The following COL11A1 variants were observed in gnomAD, a reference collection of about 807,000 sequenced individuals.
COL11A1 encodes collagen alpha-1(XI) chain.
In COL11A1, 74 loss-of-function variants were observed where a neutral mutation model predicts 265.2. That is an observed-to-expected ratio of 0.28 (90% confidence interval 0.23 to 0.34). The LOEUF (loss-of-function observed/expected upper bound fraction) is 0.34. COL11A1 is among the 10% of genes least tolerant of loss of function. The probability of loss-of-function intolerance (pLI) is 1.00; values close to 1 mark genes in which losing one functional copy is unlikely to be tolerated. For synonymous variants in COL11A1, 816 were observed against 727.6 expected (o/e 1.12, Z -1.96); for missense variants, 2,165 against 2,263.6 (o/e 0.96, Z 0.88).
At chr1:102,940,567 A>G (rs1658619790) in intron 42 of COL11A1, 133 bp from the exon 43 acceptor site, 1 of 682,926 alleles carries the variant, frequency 1.5e-6, no homozygotes. Context: ...AATAAATGAT[A>G]CATGTTCCCT....
At chr1:103,006,155 A>G in intron 16 of COL11A1, 34 bp from the exon 17 acceptor site, 1 of 1,567,224 alleles carries the variant, frequency 6.4e-7, no homozygotes, top group Non-Finnish European at 8.7e-7. Context: ...AAGCGAAGTG[A>G]CTTTTATTAC....
chr1:102,997,752 G>C (rs1300608437), intron 25 of COL11A1, among the ~76,000 whole-genome samples: 1 of 151,828 alleles, frequency 6.6e-6, no homozygotes, highest in Non-Finnish European at 1.5e-5. Flanking sequence ...TAACTGTAGA[G>C]ATTACATAAT....
intron 6 of COL11A1, 131 bp from the exon 7 acceptor site, chr1:103,025,744 G>A (rs1667457249): frequency 6.3e-7 from 1 of 1,598,832 alleles, no homozygotes; most frequent in African/African-American, 1.3e-5. Context: ...TATGATTCAT[G>A]ATCAGAGATC....
At position 103,012,455 on chromosome 1, in the gene COL11A1, G is replaced by T. The variant is rs1666211056; in HGVS notation, c.1587C>A (p.Gly529=). Reference sequence around the variant, plus strand: ...CAGTTAGACCCATTGGGCCAGGTGGGCCTCTCAGAGCAATCTAGAAAACAA... The same window carrying T: ...CAGTTAGACCCATTGGGCCAGGTGGTCCTCTCAGAGCAATCTAGAAAACAA... ...ILQQARIALR[G]PPGPMGLTGR... The change falls in exon 14 of 67, where the codon GGC becomes GGA. Residue 529 remains glycine, a synonymous_variant. Coordinates refer to ENST00000370096, the MANE Select transcript of COL11A1 (RefSeq NM_001854.4). The T allele has an allele frequency of 1.2e-6, 2 of 1,612,896 alleles. No individual in the cohort carries two copies. The highest frequency in any genetic ancestry group is 1.7e-6 in the Non-Finnish European group (2 of 1,179,036).
Position 103,047,540 on chromosome 1 carries a change from C to G in COL11A1, c.652-16296G>C, listed in dbSNP as rs998788250. On this transcript the variant is annotated intron_variant, in intron 4 of 66. Coordinates refer to ENST00000370096, the MANE Select transcript of COL11A1 (RefSeq NM_001854.4). ...GGGTTTTCTGGATATACAATCATGT[C>G]ATCTGCAAACAGGGACAATTTGACT... 3.9e-5 allele frequency among the ~76,000 whole-genome samples: 6 copies of G among 152,168 alleles called. No individual in the cohort carries two copies. The South Asian group carries it at 1.2e-3, about 31-fold the overall frequency.
intron 11 of COL11A1, among the ~76,000 whole-genome samples, chr1:103,016,734 T>C (rs1003303478): frequency 2.6e-5 from 4 of 152,014 alleles, no homozygotes; most frequent in Admixed American, 6.6e-5. Context: ...TTATATTTTA[T>C]TTAGAATATT....
intron 36 of COL11A1, among the ~76,000 whole-genome samples, chr1:102,974,619 CA>C (rs890471924): frequency 6.6e-6 from 1 of 151,936 alleles, no homozygotes; most frequent in African/African-American, 2.4e-5. Context: ...GGTATACTGT[CA>C]AAAAATACTT....
At chr1:102,932,072 G>A (rs1258314775) in intron 46 of COL11A1, among the ~76,000 whole-genome samples, 1 of 149,886 alleles carries the variant, frequency 6.7e-6, no homozygotes, top group Non-Finnish European at 1.5e-5. Context: ...TCTTTTAATT[G>A]GAGCATTTAG....
intron 9 of COL11A1, 57 bp downstream of exon 9, chr1:103,021,650 A>G (rs957137792): frequency 9.3e-7 from 1 of 1,074,766 alleles, no homozygotes; most frequent in Admixed American, 1.7e-5. Context: ...ATTTAACATA[A>G]TCGTGGCTCA....
At chr1:102,998,514 G>T in intron 24 of COL11A1, 151 bp from the exon 25 acceptor site, 1 of 499,284 alleles carries the variant, frequency 2.0e-6, no homozygotes, top group South Asian at 4.4e-5. Flanking sequence ...ATATTATTTG[G>T]AGGAAATGCC....
rs529091551 is a variant in COL11A1 at position 103,020,221 on chromosome 1, C to T, written c.1309-1362G>A. Among the ~76,000 whole-genome samples the T allele has an allele frequency of 6.7e-5, 10 of 149,004 alleles. No homozygotes were observed. The East Asian group carries it at 2.0e-3, about 30-fold the overall frequency. Reference sequence around the variant, plus strand: ...GTCCCACCAACAGTGTAAAAGTGTTCCTATTTCTCCACATCCTCTCCAGCA... The same window carrying T: ...GTCCCACCAACAGTGTAAAAGTGTTTCTATTTCTCCACATCCTCTCCAGCA... On this transcript the variant is annotated intron_variant, in intron 9 of 66. Transcript: ENST00000370096.
At chr1:103,066,537 C>A (rs1269971423) in intron 4 of COL11A1, among the ~76,000 whole-genome samples, 3 of 124,906 alleles carry the variant, frequency 2.4e-5, no homozygotes, top group Non-Finnish European at 3.4e-5. Context: ...ACAAAATATT[C>A]AAATAAACCC....
At chr1:103,092,350 T>C (rs2102374286) in intron 1 of COL11A1, among the ~76,000 whole-genome samples, 1 of 152,132 alleles carries the variant, frequency 6.6e-6, no homozygotes, top group Non-Finnish European at 1.5e-5. Context: ...TAAGAAAAAG[T>C]TAAGTATGTC....
intron 14 of COL11A1, among the ~76,000 whole-genome samples, chr1:103,010,122 A>AAAAAAAAAC (rs1665978127): frequency 6.6e-6 from 1 of 152,198 alleles, no homozygotes; most frequent in African/African-American, 2.4e-5. Context: ...CACTTCCTGA[A>AAAAAAAAAC]TGTTTTATGA....
At chr1:102,922,213 T>C (rs1656063113) in intron 47 of COL11A1, among the ~76,000 whole-genome samples, 1 of 152,184 alleles carries the variant, frequency 6.6e-6, no homozygotes, top group Non-Finnish European at 1.5e-5. Flanking sequence ...CACTGGACAT[T>C]AGTATTTTTA....
intron 28 of COL11A1, among the ~76,000 whole-genome samples, chr1:102,994,242 C>A (rs1664408995): frequency 6.6e-6 from 1 of 151,952 alleles, no homozygotes; most frequent in African/African-American, 2.4e-5. Context: ...ATTTACCCAC[C>A]CAAATCTCAT....
At chr1:103,054,409 C>T (rs1256141530) in intron 4 of COL11A1, among the ~76,000 whole-genome samples, 1 of 152,072 alleles carries the variant, frequency 6.6e-6, no homozygotes, top group Non-Finnish European at 1.5e-5. Context: ...TGATAAAGTA[C>T]CACGTTCAAA....
chr1:103,084,617 A>T (rs1672711767), intron 1 of COL11A1, among the ~76,000 whole-genome samples: 1 of 151,554 alleles, frequency 6.6e-6, no homozygotes, highest in African/African-American at 2.4e-5. Context: ...AAAACACTTT[A>T]TCTTTTTTAG....
At chr1:103,046,614 A>G (rs1669292898) in intron 4 of COL11A1, among the ~76,000 whole-genome samples, 1 of 150,618 alleles carries the variant, frequency 6.6e-6, no homozygotes, top group Admixed American at 6.6e-5. Context: ...GTTTAATTAG[A>G]TCCCATTTGT....
Sources: allele counts gnomAD v4.1 joint callset (sites outside exome capture counted in the v4.1 genomes callset), GRCh38; gene constraint gnomAD v4.1.1; transcripts MANE v1.5; gene names NCBI Gene and HGNC (gene_info 2026-07-23, HGNC 2026-07-21).